Variants in NHSL1 observed in about 807,000 individuals in gnomAD.
The protein encoded by NHSL1 is NHS like 1, also known as NHS-like protein 1.
NHSL1 carries 48 observed loss-of-function variants against 95.0 expected under a neutral mutation model. That is an observed-to-expected ratio of 0.51 (90% confidence interval 0.40 to 0.64). The LOEUF is 0.64. Among genes scored for constraint, NHSL1 ranks in the 30% least tolerant of loss-of-function variants. NHSL1 has a pLI of 0.00. For synonymous variants in NHSL1, 783 were observed against 833.9 expected (o/e 0.94, Z 1.05); for missense variants, 1,971 against 2,077.7 (o/e 0.95, Z 1.00).
chr6:138,670,652 C>T (rs1185524100), intron 1 of NHSL1, among the ~76,000 whole-genome samples: 2 of 119,952 alleles, frequency 1.7e-5, no homozygotes, highest in South Asian at 2.9e-4. Flanking sequence ...GGCGACAAAG[C>T]GAGACTCCGT....
intron 1 of NHSL1, among the ~76,000 whole-genome samples, chr6:138,667,749 T>G (rs952752723): frequency 2.0e-5 from 3 of 152,256 alleles, no homozygotes; most frequent in African/African-American, 7.2e-5. Context: ...TTATCTTCTC[T>G]TCTTTCATGT....
intron 1 of NHSL1, among the ~76,000 whole-genome samples, chr6:138,642,272 C>T (rs1453678014): frequency 1.3e-5 from 2 of 152,092 alleles, no homozygotes; most frequent in Admixed American, 6.5e-5. Context: ...TTAAAATGAG[C>T]ACTTCAGGCT....
chr6:138,424,281 G>T lies in NHSL1; in HGVS notation c.4621C>A (p.Arg1541Ser). 2 of 1,501,448 alleles carry T rather than the reference G, an allele frequency of 1.3e-6. No homozygotes were observed. The highest frequency in any genetic ancestry group is 2.5e-5 in the East Asian group (1 of 40,434). The allele number at this position is 1,501,448 out of a possible 1,614,324, so 93.0% of individuals were successfully genotyped here. Residue 1541 changes from arginine to serine, a missense_variant, in exon 8 of 8, where the codon CGC becomes AGC. Arg to Ser is a moderately radical substitution (Grantham distance 110). Around this residue, in one of 3 missense-constraint regions of NHSL1, gnomAD observed 223 missense variants for 217.0 expected, o/e 1.03. Coordinates refer to ENST00000343505, the MANE Select transcript of NHSL1 (RefSeq NM_001144060.2). This position sits in a 1 kb window ranked among gnomAD's most constrained non-coding sequence, Gnocchi z 5.9. ...CCCTCCGCAGCGCCCAGAGCCCCGCGGGCTATGCTGTCCACAGGCTCCACG... is the reference window on the plus strand; with the variant it reads ...CCCTCCGCAGCGCCCAGAGCCCCGCTGGCTATGCTGTCCACAGGCTCCACG... ...EAVEPVDSIA[R>S]GALGAAEGCS... is the part of the protein sequence containing the mutation.
At chr6:138,429,655 C>T (rs576636408) in intron 7 of NHSL1, 56 bp downstream of exon 7, 1 of 1,437,624 alleles carries the variant, frequency 7.0e-7, no homozygotes, top group Admixed American at 2.6e-5. Context: ...TGAGGTGCTG[C>T]TTGGAAAGAA....
upstream of NHSL1, among the ~76,000 whole-genome samples, chr6:138,548,307 T>C (rs1038929114): frequency 2.0e-5 from 3 of 152,184 alleles, no homozygotes; most frequent in Middle Eastern, 3.2e-3. Context: ...TAAACAGAGA[T>C]GACTTTATAT....
At chr6:138,453,644 T>C (rs1262245818) in intron 3 of NHSL1, among the ~76,000 whole-genome samples, 1 of 152,084 alleles carries the variant, frequency 6.6e-6, no homozygotes, top group African/African-American at 2.4e-5. Flanking sequence ...ACTCCTGGGT[T>C]CAAGCGATCC....
chr6:138,637,645 C>A (rs1375599376), intron 1 of NHSL1, among the ~76,000 whole-genome samples: 1 of 152,168 alleles, frequency 6.6e-6, no homozygotes, highest in African/African-American at 2.4e-5. Context: ...CATCACTGAT[C>A]ATCAGAGAAC....
intron 1 of NHSL1, among the ~76,000 whole-genome samples, chr6:138,563,423 T>C (rs1386536805): frequency 6.6e-6 from 1 of 152,206 alleles, no homozygotes; most frequent in African/African-American, 2.4e-5. Flanking sequence ...TTGAGTTGCC[T>C]AGGTTATACA....
chr6:138,522,678 T>C (rs893464244), intron 1 of NHSL1, among the ~76,000 whole-genome samples: 1 of 152,070 alleles, frequency 6.6e-6, no homozygotes, highest in Non-Finnish European at 1.5e-5. Flanking sequence ...TCAGGTGTGG[T>C]GGCGCACATG....
At chr6:138,650,787 T>C in intron 1 of NHSL1, 1 of 543,568 alleles carries the variant, frequency 1.8e-6, no homozygotes, top group South Asian at 1.4e-5. Flanking sequence ...ATCACCCTTG[T>C]TGGAAACCTG....
At chr6:138,631,146 C>T (rs538143726) in intron 1 of NHSL1, among the ~76,000 whole-genome samples, 16 of 152,258 alleles carry the variant, frequency 1.1e-4, no homozygotes, top group South Asian at 2.1e-4. Flanking sequence ...AGCTGACGCC[C>T]GCCCACGCAG....
chr6:138,482,819 G>A (rs1779509156), intron 2 of NHSL1, among the ~76,000 whole-genome samples: 1 of 152,192 alleles, frequency 6.6e-6, no homozygotes, highest in East Asian at 1.9e-4. Context: ...TGGGACTAAA[G>A]GGTTACATTC....
chr6:138,446,300 G>A (rs1025721304), intron 4 of NHSL1, among the ~76,000 whole-genome samples: 3 of 152,004 alleles, frequency 2.0e-5, no homozygotes, highest in Admixed American at 2.0e-4. Flanking sequence ...GCCTCCCAAA[G>A]TGCTGGGATT....
intron 2 of NHSL1, among the ~76,000 whole-genome samples, chr6:138,487,153 T>C (rs1779779993): frequency 1.3e-5 from 2 of 152,180 alleles, no homozygotes. Context: ...GGAGTAGAGA[T>C]GTCTGGGGAG....
At chr6:138,438,424 C>T (rs570230570) in intron 5 of NHSL1, among the ~76,000 whole-genome samples, 2 of 152,110 alleles carry the variant, frequency 1.3e-5, no homozygotes, top group South Asian at 4.1e-4. Flanking sequence ...TTTATAGGCA[C>T]TGGAAACCAA....
chr6:138,605,588 CAT>C (rs1784422397), intron 1 of NHSL1, among the ~76,000 whole-genome samples: 1 of 152,214 alleles, frequency 6.6e-6, no homozygotes, highest in Non-Finnish European at 1.5e-5. Flanking sequence ...CAGCTTCACT[CAT>C]ATTGTGTCTA....
At chr6:138,448,150 C>T (rs747501988) in intron 3 of NHSL1, among the ~76,000 whole-genome samples, 1 of 152,198 alleles carries the variant, frequency 6.6e-6, no homozygotes, top group South Asian at 2.1e-4. Flanking sequence ...CAATACCTTT[C>T]TTTCCCATAA....
At position 138,424,540 on chromosome 6, in the gene NHSL1, T is replaced by C. The variant is rs1174548584; in HGVS notation, c.4362A>G (p.Ser1454=). The change falls in exon 8 of 8, where the codon TCA becomes TCG. Residue 1454 remains serine, a synonymous_variant. Coordinates refer to ENST00000343505, the MANE Select transcript of NHSL1 (RefSeq NM_001144060.2). This position sits in a 1 kb window ranked among gnomAD's most constrained non-coding sequence, Gnocchi z 5.9. ...NTDPRFQRSR[S]EPSPDAPESP... ...TCTCGGGGGCATCTGGGGAAGGCTCTGACCTCGACCTCTGGAATCTAGGGT... is the reference window on the plus strand; with the variant it reads ...TCTCGGGGGCATCTGGGGAAGGCTCCGACCTCGACCTCTGGAATCTAGGGT... 11 of 1,551,552 alleles carry C rather than the reference T, an allele frequency of 7.1e-6. No homozygotes were observed. Among genetic ancestry groups the C allele is most frequent in the South Asian group, 1.2e-5 (1 of 84,054 alleles).
At chr6:138,437,069 C>T (rs948351577) in intron 5 of NHSL1, among the ~76,000 whole-genome samples, 10 of 151,874 alleles carry the variant, frequency 6.6e-5, no homozygotes, top group Non-Finnish European at 1.5e-4. Context: ...GTCAGGAGTT[C>T]GAGACCAGCC....
Sources: gnomAD v4.1 joint callset for allele counts (sites outside exome capture counted in the v4.1 genomes callset) on GRCh38, gnomAD v4.1.1 for gene constraint, gnomAD v4.1.1 regional missense constraint, Gnocchi (gnomAD v3.1) non-coding constraint, MANE v1.5 for transcripts, NCBI Gene and HGNC (gene_info 2026-07-23, HGNC 2026-07-21) for gene names.